The following ARID2 variants were observed in gnomAD, a reference collection of about 807,000 sequenced individuals.
ARID2 encodes the protein AT-rich interaction domain 2.
ARID2 carries 32 observed loss-of-function variants against 184.6 expected under a neutral mutation model. That is an observed-to-expected ratio of 0.17 (90% CI 0.13 to 0.23). The LOEUF (loss-of-function observed/expected upper bound fraction) is 0.23. ARID2 is among the 10% of genes least tolerant of loss of function. ARID2 has a pLI of 1.00. For synonymous variants in ARID2, 836 were observed against 772.6 expected (o/e 1.08, Z -1.36); for missense variants, 1,696 against 2,197.6 (o/e 0.77, Z 4.56).
chr12:45,891,949 A>G (rs1944306819), intron 17 of ARID2, 31 bp downstream of exon 17: 2 of 1,613,876 alleles, frequency 1.2e-6, no homozygotes, highest in Non-Finnish European at 1.7e-6. Context: ...TTGATCAGTA[A>G]CTCATTTGAC....
chr12:45,893,779 A>G, intron 20 of ARID2, 58 bp downstream of exon 20: 1 of 1,323,286 alleles, frequency 7.6e-7, no homozygotes, highest in Non-Finnish European at 1.0e-6. Flanking sequence ...TTTTACATAT[A>G]AGTTAATAAA....
chr12:45,898,053 C>T (rs1252893323), intron 20 of ARID2, among the ~76,000 whole-genome samples: 3 of 151,890 alleles, frequency 2.0e-5, no homozygotes, highest in Non-Finnish European at 4.4e-5. Flanking sequence ...CTGCCTCGGC[C>T]CCTCAAAGTG....
Position 45,892,085 on chromosome 12 carries a change from GTCT to G in ARID2, c.5140_5142del (p.Ser1714del), listed in dbSNP as rs1454325834. On this transcript the variant is annotated inframe_deletion, in exon 18 of 21. Coordinates refer to ENST00000334344, the MANE Select transcript of ARID2 (RefSeq NM_152641.4). ...AACCAGGACAAGCAGGAAGTCAGAAGTCTTCTACCAAGTAAGGAAAATGAGTTT... is the reference window on the plus strand; with the variant it reads ...AACCAGGACAAGCAGGAAGTCAGAAGTCTACCAAGTAAGGAAAATGAGTTT... The G allele has an allele frequency of 6.2e-7, 1 of 1,613,822 alleles. No homozygotes were observed. The highest frequency in any genetic ancestry group is 1.1e-5 in the South Asian group (1 of 91,032).
At position 45,802,160 on chromosome 12, in the gene ARID2, G is replaced by A. The variant is rs147240784; in HGVS notation, c.285-9258G>A. Among the ~76,000 whole-genome samples the A allele has an allele frequency of 2.1e-3, 284 of 134,902 alleles. 6 individuals are homozygous for A. In the Admixed American group the frequency reaches 0.023, roughly 11 times the overall value. 88.5% of individuals were successfully genotyped at this position (134,902 alleles called of 152,430 possible). ...CAGCTCACTGCATCCTCAACCTTCC[G>A]GGCTTAAGTGATCCTCTTACCTCAT... On this transcript the variant is annotated intron_variant, in intron 3 of 20. Coordinates refer to ENST00000334344, the MANE Select transcript of ARID2 (RefSeq NM_152641.4).
At chr12:45,874,162 A>C (rs1943970945) in intron 16 of ARID2, 1 of 152,344 alleles carries the variant, frequency 6.6e-6, no homozygotes, top group South Asian at 2.1e-4. Flanking sequence ...GTTCGGCATC[A>C]GTATGGTGAC....
rs772643337 is a variant in ARID2, at chr12:45,905,465, A to G, written c.*387A>G. 10 of 234,388 alleles carry G rather than the reference A, an allele frequency of 4.3e-5. No individual in the cohort carries two copies. Among genetic ancestry groups the G allele is most frequent in the East Asian group, 1.8e-4 (3 of 16,508 alleles). The allele number at this position is 234,388 out of a possible 1,614,324, so 14.5% of individuals were successfully genotyped here. On this transcript the variant is annotated 3_prime_UTR_variant, in exon 21 of 21. Transcript: ENST00000334344. ...ATAGAAGCATTAAATATTTTTATCT[A>G]TATCCAAAAAGGAGCACATTTTTAT...
chr12:45,744,440 A>G (rs1941320161), intron 3 of ARID2, among the ~76,000 whole-genome samples: 1 of 152,068 alleles, frequency 6.6e-6, no homozygotes, highest in Admixed American at 6.5e-5. Flanking sequence ...AATGATGAAC[A>G]TTACATTTTT....
At position 45,904,888 on chromosome 12, in the gene ARID2, C is replaced by T. The variant is rs201260099; in HGVS notation, c.5364-46C>T. ...TGCAAAATTCATGATAAAGAGTCAT[C>T]GCTGTGACCTTGGAGACTGACAATC... On this transcript the variant is annotated intron_variant, in intron 20 of 20. Coordinates refer to ENST00000334344, the MANE Select transcript of ARID2 (RefSeq NM_152641.4). 1.7e-4 allele frequency: 273 copies of T among 1,598,470 alleles called. 5 individuals are homozygous for T. The South Asian group carries it at 2.7e-3, about 16-fold the overall frequency.
chr12:45,739,270 C>T (rs142218896), intron 3 of ARID2, among the ~76,000 whole-genome samples: 32 of 152,144 alleles, frequency 2.1e-4, no homozygotes, highest in Non-Finnish European at 2.5e-4. Flanking sequence ...TGAGCCACTG[C>T]GCCCGGCCAG....
intron 15 of ARID2, among the ~76,000 whole-genome samples, chr12:45,857,646 A>C (rs1943673144): frequency 6.6e-6 from 1 of 152,206 alleles, no homozygotes; most frequent in Non-Finnish European, 1.5e-5. Flanking sequence ...TAAGAGTTGA[A>C]GTGAATTGTC....
chr12:45,870,047 G>A (rs571755518), intron 16 of ARID2, among the ~76,000 whole-genome samples: 2 of 151,890 alleles, frequency 1.3e-5, no homozygotes, highest in East Asian at 2.0e-4. Flanking sequence ...GTGCAGTGGC[G>A]CGATCTCGGC....
In ARID2 at chr12:45,850,335, C is replaced by T. The variant is rs367843006; in HGVS notation, c.2212C>T (p.Pro738Ser). The T allele has an allele frequency of 6.2e-7, 1 of 1,614,074 alleles. No homozygotes were observed. Among genetic ancestry groups the T allele is most frequent in the Non-Finnish European group, 8.5e-7 (1 of 1,179,978 alleles). Residue 738 changes from proline (P) to serine (S), a missense_variant, in exon 15 of 21, where the codon CCT (proline) becomes TCT (serine). Physicochemically the swap from Pro to Ser is moderately conservative, Grantham distance 74. Coordinates refer to ENST00000334344, the MANE Select transcript of ARID2 (RefSeq NM_152641.4). ...TGTTAGTATTGCTGTTGGAGGAGGA[C>T]CTCCACAGAGTTCTGTTGTTCAGAA... ...VPVSIAVGGGPPQSSVVQNHS... is the reference protein window; with the variant it reads ...VPVSIAVGGGSPQSSVVQNHS...
intron 16 of ARID2, among the ~76,000 whole-genome samples, chr12:45,888,248 T>A (rs969601289): frequency 2.6e-5 from 4 of 151,462 alleles, no homozygotes; most frequent in African/African-American, 9.7e-5. Flanking sequence ...GTAATAAGCA[T>A]TTTTTTCAGA....
chr12:45,830,907 A>G (rs1412853693), intron 6 of ARID2, among the ~76,000 whole-genome samples: 3 of 152,070 alleles, frequency 2.0e-5, no homozygotes, highest in Non-Finnish European at 4.4e-5. Flanking sequence ...AATACAAAAA[A>G]ATTAGCTGGG....
chr12:45,783,760 G>A (rs1485445170), intron 3 of ARID2, among the ~76,000 whole-genome samples: 1 of 152,200 alleles, frequency 6.6e-6, no homozygotes, highest in East Asian at 1.9e-4. Flanking sequence ...TAACAGGTCA[G>A]TTAGTACCAG....
intron 3 of ARID2, among the ~76,000 whole-genome samples, chr12:45,800,052 T>C (rs1942467297): frequency 6.6e-6 from 1 of 152,146 alleles, no homozygotes; most frequent in Admixed American, 6.6e-5. Flanking sequence ...GGTCTCACTA[T>C]GTTGGCCAGG....
At chr12:45,761,684 G>A (rs1485939652) in intron 3 of ARID2, among the ~76,000 whole-genome samples, 1 of 151,462 alleles carries the variant, frequency 6.6e-6, no homozygotes, top group Non-Finnish European at 1.5e-5. Flanking sequence ...TTTTACTCCA[G>A]TACATTTAGG....
chr12:45,845,041 G>A (rs1943416868), intron 11 of ARID2, among the ~76,000 whole-genome samples: 1 of 152,136 alleles, frequency 6.6e-6, no homozygotes, highest in South Asian at 2.1e-4. Context: ...CAGGTATCCT[G>A]AGGGCAGTGC....
In ARID2 at chr12:45,870,667, A is replaced by G. The variant is rs1370544548; in HGVS notation, c.4922+9718A>G. ...CACTCATTTTTTTTACTATTTCTATAGTTTTCATTTTTCCAGAATGTAATA... is the reference window on the plus strand; with the variant it reads ...CACTCATTTTTTTTACTATTTCTATGGTTTTCATTTTTCCAGAATGTAATA... On this transcript the variant is annotated intron_variant, in intron 16 of 20. Coordinates refer to ENST00000334344, the MANE Select transcript of ARID2 (RefSeq NM_152641.4). Among the ~76,000 whole-genome samples, 15 of 151,960 alleles carry G rather than the reference A, an allele frequency of 9.9e-5. 1 individual carries two copies. Among genetic ancestry groups the G allele is most frequent in the Admixed American group, 9.8e-4 (15 of 15,260 alleles).
Sources: gnomAD v4.1 joint callset for allele counts (sites outside exome capture counted in the v4.1 genomes callset) on GRCh38, gnomAD v4.1.1 for gene constraint, MANE v1.5 for transcripts, NCBI Gene and HGNC (gene_info 2026-07-23, HGNC 2026-07-21) for gene names.